The following RELB variants were observed in gnomAD, a reference collection of about 807,000 sequenced individuals.
The protein encoded by RELB is transcription factor RelB.
In RELB, 14 loss-of-function variants were observed where a neutral mutation model predicts 55.4. The observed-to-expected ratio is 0.25, with a 90% CI of 0.17 to 0.40. RELB has a LOEUF of 0.40. Ranked by LOEUF, RELB falls within the 10% of genes least tolerant of loss-of-function variation. RELB has a pLI of 1.00. For missense variants in RELB, 669 were observed against 830.7 expected (o/e 0.81, Z 2.39); for synonymous variants, 409 against 371.3 (o/e 1.10, Z -1.17).
At chr19:45,013,789 G>A (rs1971389992) in intron 4 of RELB, among the ~76,000 whole-genome samples, 1 of 152,014 alleles carries the variant, frequency 6.6e-6, no homozygotes, top group Admixed American at 6.6e-5. Flanking sequence ...CCAAGATCGT[G>A]CCATTGCTCT....
chr19:45,021,003 C>T (rs374272413), intron 4 of RELB, among the ~76,000 whole-genome samples: 1 of 152,166 alleles, frequency 6.6e-6, no homozygotes, highest in South Asian at 2.1e-4. Flanking sequence ...AGCGAAACTC[C>T]GTCTCTACTG....
In RELB at chr19:45,010,723, G is replaced by C. The variant is rs547993426; in HGVS notation, c.163+901G>C. On this transcript the variant is annotated intron_variant, in intron 3 of 11. Transcript: ENST00000221452. The stretch of plus-strand genomic sequence containing the variant: ...GACAGAGTCTCGCTCTGTCGCCCAG[G>C]CTGGAGTGCAGTGGTGCTGTCTCAG... Among the ~76,000 whole-genome samples, 3 of 152,228 alleles carry C rather than the reference G, an allele frequency of 2.0e-5. No homozygotes were observed. In the East Asian group the frequency reaches 5.8e-4, roughly 29 times the overall value.
intron 7 of RELB, among the ~76,000 whole-genome samples, chr19:45,026,055 C>G (rs1971554969): frequency 6.6e-6 from 1 of 152,114 alleles, no homozygotes; most frequent in Middle Eastern, 3.2e-3. Flanking sequence ...ACCAGCCTGG[C>G]CAACATGCCA....
At chr19:45,004,229 C>G (rs1053407648) in intron 2 of RELB, among the ~76,000 whole-genome samples, 3 of 135,080 alleles carry the variant, frequency 2.2e-5, no homozygotes, top group African/African-American at 8.3e-5. Flanking sequence ...GACAGTGGTT[C>G]TTTTTTTTTT....
At position 45,032,258 on chromosome 19, in the gene RELB, C is replaced by G. The variant is rs34222293; in HGVS notation, c.992-276C>G. Reference sequence around the variant, plus strand: ...TCAAAAACACACAAACAAAAAAAAACCAAAAATAAAATTAGCCGGGCGTGG... The same window carrying G: ...TCAAAAACACACAAACAAAAAAAAAGCAAAAATAAAATTAGCCGGGCGTGG... On this transcript the variant is annotated intron_variant, in intron 8 of 11. Transcript: ENST00000221452. Among the ~76,000 whole-genome samples, 5 of 150,466 alleles carry G rather than the reference C, an allele frequency of 3.3e-5. No homozygotes were observed. In the East Asian group the frequency reaches 7.9e-4, roughly 24 times the overall value.
chr19:45,028,414 A>G (rs575349912), intron 7 of RELB, among the ~76,000 whole-genome samples: 83 of 152,072 alleles, frequency 5.5e-4, no homozygotes, highest in African/African-American at 2.0e-3. Context: ...CAGTGGTGCA[A>G]TCTCAGCTCC....
intron 11 of RELB, among the ~76,000 whole-genome samples, chr19:45,036,041 T>C (rs1971682100): frequency 6.6e-6 from 1 of 152,172 alleles, no homozygotes; most frequent in South Asian, 2.1e-4. Flanking sequence ...AAATAGTCCC[T>C]TGTGTCTCTA....
At chr19:45,034,838 CTTTCTT>C (rs1490892550) in intron 11 of RELB, among the ~76,000 whole-genome samples, 1 of 150,516 alleles carries the variant, frequency 6.6e-6, no homozygotes, top group East Asian at 2.0e-4. Context: ...TCTATTTCTT[CTTTCTT>C]TTTTTTTTTT....
intron 4 of RELB, among the ~76,000 whole-genome samples, chr19:45,015,849 T>C (rs1207787241): frequency 6.6e-6 from 1 of 152,084 alleles, no homozygotes; most frequent in Non-Finnish European, 1.5e-5. Flanking sequence ...TCCGAGACTG[T>C]TGACTCTAAG....
At chr19:45,033,433 A>C (rs1389089795) in intron 9 of RELB, among the ~76,000 whole-genome samples, 3 of 151,982 alleles carry the variant, frequency 2.0e-5, no homozygotes, top group African/African-American at 7.2e-5. Flanking sequence ...GCCTGTAATC[A>C]CAGCACTGTG....
intron 2 of RELB, 56 bp from the exon 3 acceptor site, chr19:45,009,758 G>A: frequency 2.5e-6 from 4 of 1,591,236 alleles, no homozygotes; most frequent in Non-Finnish European, 3.4e-6. Context: ...AAGATGAAAA[G>A]TTGTGACCAC....
chr19:45,011,090 G>A (rs1971345066), intron 3 of RELB, among the ~76,000 whole-genome samples: 1 of 152,128 alleles, frequency 6.6e-6, no homozygotes, highest in Admixed American at 6.5e-5. Context: ...GACCTCAGGT[G>A]ATCCGCCTGC....
chr19:45,034,977 A>C (rs1316824446), intron 11 of RELB, among the ~76,000 whole-genome samples: 1 of 151,664 alleles, frequency 6.6e-6, no homozygotes, highest in African/African-American at 2.4e-5. Context: ...AGTAGCTGGG[A>C]CTAAAGGCAT....
chr19:45,027,574 A>G (rs1277473205), intron 7 of RELB, among the ~76,000 whole-genome samples: 3 of 152,098 alleles, frequency 2.0e-5, no homozygotes, highest in Admixed American at 6.6e-5. Flanking sequence ...TTGACAAATC[A>G]GCTTTGGCCA....
In RELB at chr19:45,006,104, G is replaced by T. The variant is rs146423741; in HGVS notation, c.154+3108G>T. 2.7e-3 allele frequency among the ~76,000 whole-genome samples: 415 copies of T among 152,348 alleles called. 6 individuals are homozygous for T. Among genetic ancestry groups the T allele is most frequent in the South Asian group, 0.025 (123 of 4,834 alleles). On this transcript the variant is annotated intron_variant, in intron 2 of 11. Transcript: ENST00000221452. ...CACGTAAACAATAAGTTAAATATGG[G>T]ATTATAAAATGTGATAAGGGCTATG...
chr19:45,007,694 C>A (rs746416693), intron 2 of RELB, among the ~76,000 whole-genome samples: 2 of 151,874 alleles, frequency 1.3e-5, no homozygotes, highest in Non-Finnish European at 2.9e-5. Context: ...CCCGTCTCTA[C>A]TAAAAGTACA....
chr19:45,023,413 C>CTTCT (rs1436708908), intron 5 of RELB, among the ~76,000 whole-genome samples: 46 of 150,722 alleles, frequency 3.1e-4, no homozygotes, highest in Non-Finnish European at 5.8e-4. Context: ...TCCTTCCTTC[C>CTTCT]TTCCTTCCTT....
rs57007961 is a variant in RELB, at chr19:45,008,000, C to CAAAAAAAAA, written c.155-1799_155-1791dup. Reference sequence around the variant, plus strand: ...TAAAACCCCGTCTCTGCTAAAAATACAAAAAAAAAAAAAAAAAAAAAAAGC... The same window carrying CAAAAAAAAA: ...TAAAACCCCGTCTCTGCTAAAAATACAAAAAAAAAAAAAAAAAAAAAAAAAAAAAAAAGC... On this transcript the variant is annotated intron_variant, in intron 2 of 11. Coordinates refer to ENST00000221452, the MANE Select transcript of RELB (RefSeq NM_006509.4). Among the ~76,000 whole-genome samples the CAAAAAAAAA allele has an allele frequency of 7.5e-3, 466 of 62,256 alleles. 1 individual carries two copies. The highest frequency in any genetic ancestry group is 0.012 in the Middle Eastern group (1 of 84). 40.8% of individuals were successfully genotyped at this position (62,256 alleles called of 152,430 possible).
At chr19:45,021,484 G>T (rs568017981) in intron 4 of RELB, among the ~76,000 whole-genome samples, 7 of 149,550 alleles carry the variant, frequency 4.7e-5, no homozygotes, top group South Asian at 4.2e-4. Context: ...AAGCCTGAGT[G>T]GCCTAAAAAA....
Sources: allele counts gnomAD v4.1 joint callset (sites outside exome capture counted in the v4.1 genomes callset), GRCh38; gene constraint gnomAD v4.1.1; transcripts MANE v1.5; gene names NCBI Gene and HGNC (gene_info 2026-07-23, HGNC 2026-07-21).